Variants in TRIO observed in about 807,000 individuals in gnomAD.
The protein encoded by TRIO is triple functional domain protein.
Under a neutral mutation model 351.9 loss-of-function variants are expected in TRIO, and 58 were observed. That is an observed-to-expected ratio of 0.16 (90% confidence interval 0.13 to 0.21). The LOEUF is 0.21. TRIO is among the 10% of genes least tolerant of loss of function. TRIO has a pLI of 1.00. For missense variants in TRIO, 3,201 were observed against 4,027.8 expected (o/e 0.79, Z 5.56); for synonymous variants, 1,758 against 1,595.7 (o/e 1.10, Z -2.42).
intron 1 of TRIO, among the ~76,000 whole-genome samples, chr5:14,263,524 G>A (rs141416295): frequency 1.9e-3 from 285 of 152,258 alleles, no homozygotes; most frequent in African/African-American, 6.1e-3. Flanking sequence ...GTTAAAATTC[G>A]TGAGCAGATT....
intron 1 of TRIO, among the ~76,000 whole-genome samples, chr5:14,233,688 C>T (rs2152225349): frequency 6.6e-6 from 1 of 152,256 alleles, no homozygotes; most frequent in South Asian, 2.1e-4. Context: ...CGGGCATGCA[C>T]CACCACGCCT....
At chr5:14,377,582 G>T (rs1222224877) in intron 19 of TRIO, among the ~76,000 whole-genome samples, 4 of 151,788 alleles carry the variant, frequency 2.6e-5, no homozygotes, top group Admixed American at 6.6e-5. Flanking sequence ...CACCCTTGTT[G>T]ATTATTACTC....
chr5:14,375,136 G>C (rs897833109), intron 19 of TRIO, among the ~76,000 whole-genome samples: 1 of 152,126 alleles, frequency 6.6e-6, no homozygotes, highest in African/African-American at 2.4e-5. Context: ...AAATAATTTT[G>C]TTACACCACT....
chr5:14,477,169 C>T (rs556965241), intron 41 of TRIO: 9 of 532,654 alleles, frequency 1.7e-5, no homozygotes, highest in African/African-American at 1.5e-4. Flanking sequence ...CTGAAGCTGG[C>T]TATTTGGCTA....
chr5:14,493,902 A>C (rs557237643), intron 49 of TRIO, among the ~76,000 whole-genome samples: 2 of 152,388 alleles, frequency 1.3e-5, no homozygotes, highest in Non-Finnish European at 2.9e-5. Context: ...ATAGAAGATC[A>C]AACCAGCCAC....
chr5:14,183,874 T>C (rs1034905911), intron 1 of TRIO: 5 of 682,938 alleles, frequency 7.3e-6, no homozygotes, highest in African/African-American at 7.1e-5. Context: ...CTTTGGCAGA[T>C]AGTGACTGTT....
chr5:14,176,862 A>C (rs1789436101), intron 1 of TRIO, among the ~76,000 whole-genome samples: 1 of 152,236 alleles, frequency 6.6e-6, no homozygotes, highest in Non-Finnish European at 1.5e-5. Flanking sequence ...TTCTTAAGTC[A>C]CAGGCACTTG....
intron 34 of TRIO, among the ~76,000 whole-genome samples, chr5:14,450,049 T>G (rs776319349): frequency 1.3e-5 from 2 of 152,220 alleles, no homozygotes; most frequent in Non-Finnish European, 2.9e-5. Flanking sequence ...AGCTACATTT[T>G]CCAATGCTTA....
chr5:14,238,382 C>G (rs946526433), intron 1 of TRIO, among the ~76,000 whole-genome samples: 1 of 152,124 alleles, frequency 6.6e-6, no homozygotes, highest in Non-Finnish European at 1.5e-5. Flanking sequence ...TTCCCTCCTG[C>G]ATGGTATGGT....
intron 1 of TRIO, among the ~76,000 whole-genome samples, chr5:14,155,725 A>G (rs971767356): frequency 6.6e-6 from 1 of 152,210 alleles, no homozygotes; most frequent in South Asian, 2.1e-4. Context: ...GTCTGGGAAC[A>G]TGTGATATCC....
Position 14,508,701 on chromosome 5 carries a change from T to C in TRIO, c.*279T>C. ...GCAAAAAAATAAAAAGATAACTTTT[T>C]TAAACAAACATGAATAGAATTTTGC... On this transcript the variant is annotated 3_prime_UTR_variant, in exon 57 of 57. Coordinates refer to ENST00000344204, the MANE Select transcript of TRIO (RefSeq NM_007118.4). 1 of 350,720 alleles carries C rather than the reference T, an allele frequency of 2.9e-6. No individual in the cohort carries two copies. 21.7% of individuals were successfully genotyped at this position (350,720 alleles called of 1,614,324 possible).
At chr5:14,306,697 C>G (rs1490501924) in intron 8 of TRIO, among the ~76,000 whole-genome samples, 2 of 152,200 alleles carry the variant, frequency 1.3e-5, no homozygotes, top group African/African-American at 4.8e-5. Context: ...GGAATACAGT[C>G]TTTGTGCATA....
chr5:14,480,603 A>C (rs1755439584), intron 43 of TRIO, among the ~76,000 whole-genome samples: 1 of 152,196 alleles, frequency 6.6e-6, no homozygotes, highest in Non-Finnish European at 1.5e-5. Flanking sequence ...TTCTGTGATA[A>C]AAGAGACTTC....
chr5:14,346,777 C>G (rs1482705210), intron 11 of TRIO, among the ~76,000 whole-genome samples: 1 of 152,252 alleles, frequency 6.6e-6, no homozygotes, highest in Non-Finnish European at 1.5e-5. Context: ...TGGGCTATCT[C>G]TTAGTTACTA....
chr5:14,378,716 C>A (rs1331477228), intron 20 of TRIO, among the ~76,000 whole-genome samples: 1 of 152,056 alleles, frequency 6.6e-6, no homozygotes, highest in African/African-American at 2.4e-5. Flanking sequence ...TCCACCACCA[C>A]GCCTGGGTAA....
At chr5:14,205,475 A>G (rs771714602) in intron 1 of TRIO, among the ~76,000 whole-genome samples, 11 of 152,210 alleles carry the variant, frequency 7.2e-5, no homozygotes, top group Admixed American at 4.6e-4. Flanking sequence ...ATGAAGGTCT[A>G]TCTTGTATCT....
rs753778775 is a variant in TRIO at position 14,487,525 on chromosome 5, CGGGGGCAGCGGCGGGGGT to C, written c.6912_6929del (p.Gly2307_Gly2312del). ...GCGGGGGCGGCGGCGGCGGCGGCAG[CGGGGGCAGCGGCGGGGGT>C]GGGGGCAGCGGCGGCGGCGGGGCCC... On this transcript the variant is annotated inframe_deletion, in exon 48 of 57. Transcript: ENST00000344204. 2.0e-4 allele frequency: 74 copies of C among 373,148 alleles called. No homozygotes were observed. The highest frequency in any genetic ancestry group is 6.7e-4 in the South Asian group (6 of 8,934). The allele number at this position is 373,148 out of a possible 1,614,324, so 23.1% of individuals were successfully genotyped here.
In TRIO at chr5:14,387,584, G is replaced by T; in HGVS notation, c.3717G>T (p.Arg1239Ser). The T allele has an allele frequency of 6.2e-7, 1 of 1,613,882 alleles. No homozygotes were observed. Among genetic ancestry groups the T allele is most frequent in the Non-Finnish European group, 8.5e-7 (1 of 1,179,840 alleles). ...TCTCTCTGCGGATGGAGAAGTACAGGACCTCTTTGGAAAAAGCCCTGGGGA... is the reference window on the plus strand; with the variant it reads ...TCTCTCTGCGGATGGAGAAGTACAGTACCTCTTTGGAAAAAGCCCTGGGGA... ...RDFSLRMEKY[R>S]TSLEKALGIS... is the part of the protein sequence containing the mutation. Residue 1239 changes from arginine to serine, a missense_variant, in exon 22 of 57, where the codon AGG (arginine) becomes AGT (serine). Transcript: ENST00000344204.
intron 1 of TRIO, among the ~76,000 whole-genome samples, chr5:14,229,801 A>G (rs937179340): frequency 3.9e-5 from 6 of 152,246 alleles, no homozygotes; most frequent in Non-Finnish European, 8.8e-5. Flanking sequence ...AGGAAATATC[A>G]TTTATAAATA....
Sources: gnomAD v4.1 joint callset for allele counts (sites outside exome capture counted in the v4.1 genomes callset) on GRCh38, gnomAD v4.1.1 for gene constraint, MANE v1.5 for transcripts, NCBI Gene and HGNC (gene_info 2026-07-23, HGNC 2026-07-21) for gene names.